DNAJC6: variants seen among roughly 807,000 people sequenced by gnomAD.
The protein encoded by DNAJC6 is auxilin.
DNAJC6 carries 34 observed loss-of-function variants against 110.0 expected under a neutral mutation model. The ratio of observed to expected loss-of-function variants is 0.31; its 90% CI spans 0.24 to 0.41. DNAJC6 has a LOEUF of 0.41. DNAJC6 is among the 10% of genes least tolerant of loss of function. DNAJC6 has a pLI of 1.00. For synonymous variants in DNAJC6, 406 were observed against 437.2 expected (o/e 0.93, Z 0.89); for missense variants, 1,031 against 1,207.8 (o/e 0.85, Z 2.17).
chr1:65,382,809 G>A (rs916343239), intron 5 of DNAJC6, among the ~76,000 whole-genome samples: 2 of 152,124 alleles, frequency 1.3e-5, no homozygotes, highest in Admixed American at 6.5e-5. Flanking sequence ...TTTCACATCT[G>A]GGCAGCATTT....
chr1:65,296,453 T>A (rs1161845139), intron 1 of DNAJC6, among the ~76,000 whole-genome samples: 1 of 152,220 alleles, frequency 6.6e-6, no homozygotes, highest in Admixed American at 6.5e-5. Context: ...TATATGTAGC[T>A]CTGTGACCTT....
At chr1:65,283,749 A>T (rs1653924635) in intron 1 of DNAJC6, among the ~76,000 whole-genome samples, 2 of 152,216 alleles carry the variant, frequency 1.3e-5, no homozygotes, top group Admixed American at 6.5e-5. Context: ...CAGAGGGGAT[A>T]TACCATTTTA....
chr1:65,304,471 C>T (rs1412452259), intron 1 of DNAJC6, among the ~76,000 whole-genome samples: 1 of 152,200 alleles, frequency 6.6e-6, no homozygotes, highest in East Asian at 1.9e-4. Context: ...ACACAGCAAA[C>T]TGTAGCACTT....
intron 1 of DNAJC6, among the ~76,000 whole-genome samples, chr1:65,347,567 G>A (rs573961747): frequency 2.0e-4 from 31 of 151,900 alleles, no homozygotes; most frequent in African/African-American, 6.3e-4. Flanking sequence ...GTAATGCAAC[G>A]TATTTTAATG....
chr1:65,389,329 C>T lies in DNAJC6; in HGVS notation c.1267C>T (p.Gln423Ter). The change falls in exon 10 of 19, where the codon CAG (glutamine) becomes TAG (stop). Residue 423 changes from glutamine to a stop codon, truncating the protein, a stop_gained. Transcript: ENST00000371069. LOFTEE classifies it high-confidence loss of function. ...TCAGGTGACACTGGATGTAGAACTA[C>T]AGCCCCATGACAAAGTAATAGACTT... ...LFQVTLDVEL[Q>*]PHDKVIDLTP... 2 of 1,614,154 alleles carry T rather than the reference C, an allele frequency of 1.2e-6. No individual in the cohort carries two copies. Among genetic ancestry groups the T allele is most frequent in the Non-Finnish European group, 1.7e-6 (2 of 1,180,004 alleles).
intron 8 of DNAJC6, 92 bp from the exon 9 acceptor site, chr1:65,388,244 G>A: frequency 4.6e-6 from 5 of 1,076,312 alleles, no homozygotes; most frequent in Non-Finnish European, 5.7e-6. Context: ...TATTGAAACA[G>A]TTGAAGGTGC....
chr1:65,284,408 A>G (rs1283773334), intron 1 of DNAJC6, among the ~76,000 whole-genome samples: 1 of 152,104 alleles, frequency 6.6e-6, no homozygotes, highest in African/African-American at 2.4e-5. Context: ...AGAGGAGTCT[A>G]TTTTCAGACT....
At chr1:65,279,256 C>A in intron 1 of DNAJC6, 1 of 713,320 alleles carries the variant, frequency 1.4e-6, no homozygotes, top group Non-Finnish European at 1.7e-6. Context: ...GTGACTCCTG[C>A]TGCTGTGAGA....
At position 65,380,911 on chromosome 1, in the gene DNAJC6, G is replaced by GTTTTTTTTTTTTTTTTTTTTT. The variant is rs1312055301; in HGVS notation, c.666+1391_666+1392insTTTTTTTTTTTTTTTTTTTTT. 7.6e-4 allele frequency among the ~76,000 whole-genome samples: 87 copies of GTTTTTTTTTTTTTTTTTTTTT among 114,890 alleles called. 12 individuals carry two copies. The highest frequency in any genetic ancestry group is 3.3e-3 in the African/African-American group (77 of 23,290). 75.4% of individuals were successfully genotyped at this position (114,890 alleles called of 152,430 possible). On this transcript the variant is annotated intron_variant, in intron 5 of 18. Coordinates refer to ENST00000371069, the MANE Select transcript of DNAJC6 (RefSeq NM_001256864.2). ...GGGAGTTTTTTTTTTTTTGTTTTTT[G>GTTTTTTTTTTTTTTTTTTTTT]TTTTGTTTTGTTTTTTTTTTTTTTT...
intron 4 of DNAJC6, among the ~76,000 whole-genome samples, chr1:65,373,082 G>A (rs572491238): frequency 1.3e-5 from 2 of 152,156 alleles, no homozygotes; most frequent in African/African-American, 2.4e-5. Flanking sequence ...CTATGCTTGG[G>A]TTATTTCAGT....
intron 1 of DNAJC6, among the ~76,000 whole-genome samples, chr1:65,275,450 A>G (rs1426129468): frequency 1.3e-5 from 2 of 152,160 alleles, no homozygotes; most frequent in Non-Finnish European, 2.9e-5. Flanking sequence ...GCTGTCAGTC[A>G]GTCTTATGTT....
intron 1 of DNAJC6, among the ~76,000 whole-genome samples, chr1:65,275,588 T>G (rs1488813360): frequency 6.6e-6 from 1 of 152,176 alleles, no homozygotes; most frequent in Non-Finnish European, 1.5e-5. Context: ...CAGTCCTTCT[T>G]GAATCTGTGC....
intron 1 of DNAJC6, among the ~76,000 whole-genome samples, chr1:65,311,218 T>TTTTTG (rs1303648110): frequency 1.8e-5 from 2 of 113,580 alleles, no homozygotes; most frequent in Non-Finnish European, 3.3e-5. Context: ...CAGGACTGTT[T>TTTTTG]TTTTTTTTTT....
At chr1:65,378,340 A>AT (rs1394422121) in intron 4 of DNAJC6, among the ~76,000 whole-genome samples, 1 of 151,854 alleles carries the variant, frequency 6.6e-6, no homozygotes, top group Non-Finnish European at 1.5e-5. Context: ...GAAGGACTTC[A>AT]TTTTTTTCAA....
intron 1 of DNAJC6, among the ~76,000 whole-genome samples, chr1:65,351,829 G>A (rs1010252216): frequency 6.6e-6 from 1 of 152,046 alleles, no homozygotes; most frequent in African/African-American, 2.4e-5. Flanking sequence ...GCAGTGGCGC[G>A]ATCTCGGCTC....
chr1:65,411,949 C>A (rs546318730), intron 18 of DNAJC6, among the ~76,000 whole-genome samples: 1 of 152,186 alleles, frequency 6.6e-6, no homozygotes, highest in Non-Finnish European at 1.5e-5. Flanking sequence ...CCAGCCTGGG[C>A]AACAGAGTGA....
intron 1 of DNAJC6, among the ~76,000 whole-genome samples, chr1:65,299,382 A>G (rs1289546480): frequency 6.6e-6 from 1 of 152,172 alleles, no homozygotes; most frequent in Non-Finnish European, 1.5e-5. Flanking sequence ...ATTACACGCA[A>G]AGGAAGGGAT....
intron 1 of DNAJC6, among the ~76,000 whole-genome samples, chr1:65,311,376 C>T (rs1645100056): frequency 1.3e-5 from 2 of 152,036 alleles, no homozygotes; most frequent in African/African-American, 2.4e-5. Context: ...AGGCACCTGT[C>T]ACCATGCCCG....
At chr1:65,310,013 C>T (rs1488009289) in intron 1 of DNAJC6, 75 bp downstream of exon 1, 6 of 1,363,786 alleles carry the variant, frequency 4.4e-6, no homozygotes, top group Admixed American at 3.6e-5. Context: ...CGGCCCGAGG[C>T]CCCCCCGTGG....
Sources: gnomAD v4.1 joint callset for allele counts (sites outside exome capture counted in the v4.1 genomes callset) on GRCh38, gnomAD v4.1.1 for gene constraint, MANE v1.5 for transcripts, NCBI Gene and HGNC (gene_info 2026-07-23, HGNC 2026-07-21) for gene names.